Variants in CDH2 observed in about 807,000 individuals in gnomAD.
CDH2 encodes the protein cadherin 2.
In CDH2, 17 loss-of-function variants were observed where a neutral mutation model predicts 92.0. The observed-to-expected ratio is 0.18, with a 90% confidence interval of 0.13 to 0.28. The LOEUF (loss-of-function observed/expected upper bound fraction) is 0.28, where lower values mean the gene tolerates loss of function less well. CDH2 is among the 10% of genes least tolerant of loss of function. CDH2 has a pLI of 1.00. For synonymous variants in CDH2, 419 were observed against 415.9 expected, an observed-to-expected ratio of 1.01 and a Z score of -0.09; for missense variants, 862 against 1,133.1, an observed-to-expected ratio of 0.76 and a Z score of 3.44.
chr18:27,967,384 G>A (rs542590986), intron 14 of CDH2, among the ~76,000 whole-genome samples: 1 of 152,246 alleles, frequency 6.6e-6, no homozygotes, highest in African/African-American at 2.4e-5. Flanking sequence ...ATCCCATAAT[G>A]ATGTACATAA....
chr18:28,075,529 C>T (rs185309783), intron 2 of CDH2, among the ~76,000 whole-genome samples: 5 of 152,154 alleles, frequency 3.3e-5, no homozygotes, highest in Admixed American at 2.0e-4. Flanking sequence ...GGGCAATGAT[C>T]TAGATATTGT....
intron 6 of CDH2, among the ~76,000 whole-genome samples, chr18:27,940,575 T>C (rs1174247765): frequency 6.6e-6 from 1 of 152,212 alleles, no homozygotes; most frequent in Non-Finnish European, 1.5e-5. Context: ...AGGAGCCATG[T>C]TTTTTCCACC....
chr18:27,979,626 C>G (rs57313368), intron 14 of CDH2, among the ~76,000 whole-genome samples: 1 of 152,342 alleles, frequency 6.6e-6, no homozygotes, highest in East Asian at 1.9e-4. Flanking sequence ...CAACAGAATA[C>G]TATTCAGCAG....
chr18:28,094,987 T>C (rs1406834985), intron 2 of CDH2, among the ~76,000 whole-genome samples: 1 of 152,100 alleles, frequency 6.6e-6, no homozygotes, highest in Admixed American at 6.5e-5. Flanking sequence ...TTATAACATA[T>C]GTTTTCCAAC....
chr18:28,088,865 A>G (rs2014986113), intron 2 of CDH2, among the ~76,000 whole-genome samples: 1 of 152,208 alleles, frequency 6.6e-6, no homozygotes, highest in South Asian at 2.1e-4. Context: ...GAGAGAAAAT[A>G]CAAATTCTAC....
intron 2 of CDH2, among the ~76,000 whole-genome samples, chr18:28,104,016 G>T (rs1476679787): frequency 6.6e-6 from 1 of 152,152 alleles, no homozygotes; most frequent in East Asian, 1.9e-4. Flanking sequence ...GGCAAAGTCT[G>T]CCAGCTGTGG....
Position 27,935,409 on chromosome 18 carries a change from A to G in CDH2, c.1152-2285T>C, listed in dbSNP as rs530202226. ...CCAGATCTTATGAGAACTCTATCAC[A>G]AGACAGCATAGGGGGATAGTGCTAA... On this transcript the variant is annotated intron_variant, in intron 6 of 6. Coordinates refer to the CDH2 transcript ENST00000675173. Among the ~76,000 whole-genome samples, 5 of 152,262 alleles carry G rather than the reference A, an allele frequency of 3.3e-5. No individual in the cohort carries two copies. In the South Asian group the frequency reaches 8.3e-4, roughly 25 times the overall value.
chr18:28,105,058 C>T (rs540822465), intron 2 of CDH2, among the ~76,000 whole-genome samples: 3 of 152,088 alleles, frequency 2.0e-5, no homozygotes, highest in Admixed American at 6.6e-5. Flanking sequence ...GGTCACAACC[C>T]TTCTTATACT....
chr18:28,021,590 C>A (rs1599040063), intron 2 of CDH2, among the ~76,000 whole-genome samples: 2 of 151,826 alleles, frequency 1.3e-5, no homozygotes, highest in South Asian at 4.2e-4. Flanking sequence ...AAATTAATCA[C>A]CAGGGAAATA....
intron 2 of CDH2, among the ~76,000 whole-genome samples, chr18:28,103,986 G>A (rs1476454256): frequency 1.3e-5 from 2 of 152,172 alleles, no homozygotes; most frequent in African/African-American, 4.8e-5. Context: ...CCCAGGAGAA[G>A]TTGGGGCACC....
At chr18:27,945,313 A>T (rs1308075803) in intron 6 of CDH2, among the ~76,000 whole-genome samples, 1 of 139,312 alleles carries the variant, frequency 7.2e-6, no homozygotes, top group Non-Finnish European at 1.5e-5. Flanking sequence ...GATACTTTCC[A>T]GGAAGGAAGA....
At chr18:28,055,817 G>GA (rs1224961152) in intron 2 of CDH2, among the ~76,000 whole-genome samples, 1 of 152,066 alleles carries the variant, frequency 6.6e-6, no homozygotes, top group African/African-American at 2.4e-5. Flanking sequence ...TCTATTAGTT[G>GA]AAAAAATATT....
At chr18:28,015,794 C>T (rs2013228411) in intron 2 of CDH2, among the ~76,000 whole-genome samples, 1 of 152,168 alleles carries the variant, frequency 6.6e-6, no homozygotes, top group African/African-American at 2.4e-5. Flanking sequence ...AGACTAGACA[C>T]CTGCTGTGAT....
At chr18:28,116,870 T>G (rs1484294619) in intron 2 of CDH2, among the ~76,000 whole-genome samples, 1 of 152,136 alleles carries the variant, frequency 6.6e-6, no homozygotes, top group Non-Finnish European at 1.5e-5. Flanking sequence ...TTTTATATAA[T>G]AAGTACCTGT....
chr18:27,989,120 C>G (rs2012329868), intron 10 of CDH2, among the ~76,000 whole-genome samples: 1 of 152,124 alleles, frequency 6.6e-6, no homozygotes, highest in Admixed American at 6.6e-5. Flanking sequence ...TTATCATGGC[C>G]AACATGAAGC....
At chr18:28,135,916 AC>A (rs2015854530) in intron 2 of CDH2, among the ~76,000 whole-genome samples, 1 of 152,178 alleles carries the variant, frequency 6.6e-6, no homozygotes, top group African/African-American at 2.4e-5. Context: ...CACTACCACA[AC>A]TAGTAATTGT....
At chr18:28,147,825 G>C (rs1467418026) in intron 1 of CDH2, 41 bp from the exon 2 acceptor site, 2 of 1,106,280 alleles carry the variant, frequency 1.8e-6, no homozygotes, top group Non-Finnish European at 2.7e-6. Context: ...TGCAATGATT[G>C]CTACCTCCTT....
In CDH2 at chr18:28,009,774, G is replaced by C; in HGVS notation, c.645C>G (p.Ile215Met). Residue 215 changes from isoleucine to methionine, a missense_variant, in exon 5 of 16, where the codon ATC (isoleucine) becomes ATG (methionine). Physicochemically the swap from Ile to Met is conservative, Grantham distance 10 (BLOSUM62 1). Coordinates refer to ENST00000269141, the MANE Select transcript of CDH2 (RefSeq NM_001792.5). ...PPTGIFIINP[I>M]SGQLSVTKPL... is the part of the protein sequence containing the mutation. ...GCTTTGTCACCGACAGCTGACCCGA[G>C]ATGGGGTTGATAATGAAGATACCAG... The C allele has an allele frequency of 6.2e-7, 1 of 1,614,048 alleles. No individual in the cohort carries two copies. Among genetic ancestry groups the C allele is most frequent in the Non-Finnish European group, 8.5e-7 (1 of 1,179,986 alleles).
At chr18:28,110,491 T>C (rs917452746) in intron 2 of CDH2, among the ~76,000 whole-genome samples, 3 of 151,932 alleles carry the variant, frequency 2.0e-5, no homozygotes, top group Non-Finnish European at 4.4e-5. Context: ...CACACAGCAA[T>C]GGCCAATTCT....
Sources: allele counts gnomAD v4.1 joint callset (sites outside exome capture counted in the v4.1 genomes callset), GRCh38; gene constraint gnomAD v4.1.1; transcripts MANE v1.5; gene names NCBI Gene and HGNC (gene_info 2026-07-23, HGNC 2026-07-21).